The following SLC17A2 variants were observed in gnomAD, a reference collection of about 807,000 sequenced individuals.
SLC17A2 encodes sodium-dependent phosphate transport protein 3.
SLC17A2 carries 38 observed loss-of-function variants against 52.1 expected under a neutral mutation model. The observed-to-expected ratio is 0.73, with a 90% CI of 0.56 to 0.96. The LOEUF (loss-of-function observed/expected upper bound fraction) is 0.96, where lower values mean the gene tolerates loss of function less well. SLC17A2 is among the 40% of genes least tolerant of loss of function. The pLI is 0.00. For synonymous variants in SLC17A2, 226 were observed against 211.9 expected (o/e 1.07, Z -0.58); for missense variants, 508 against 583.9 (o/e 0.87, Z 1.34).
intron 11 of SLC17A2, among the ~76,000 whole-genome samples, chr6:25,914,115 C>T (rs541548618): frequency 6.6e-6 from 1 of 152,332 alleles, no homozygotes; most frequent in East Asian, 1.9e-4. Flanking sequence ...AGCAAGCCTC[C>T]TTGCAATGTC....
intron 10 of SLC17A2, 29 bp from the exon 11 acceptor site, chr6:25,914,699 T>A (rs773753593): frequency 1.2e-5 from 17 of 1,445,060 alleles, no homozygotes; most frequent in Non-Finnish European, 1.6e-5. Flanking sequence ...ATAAATGATT[T>A]TATATAGAAA....
At position 25,913,974 on chromosome 6, in the gene SLC17A2, C is replaced by T. The variant is rs1474941882; in HGVS notation, c.1303-523G>A. ...CCTAGCAGTTTAGTCAAATATTAACCTGGGAACTTGATCACATAGAAATGT... is the reference window on the plus strand; with the variant it reads ...CCTAGCAGTTTAGTCAAATATTAACTTGGGAACTTGATCACATAGAAATGT... On this transcript the variant is annotated intron_variant, in intron 11 of 11. Transcript: ENST00000377850. 2.0e-5 allele frequency among the ~76,000 whole-genome samples: 3 copies of T among 152,204 alleles called. No homozygotes were observed. In the East Asian group the frequency reaches 5.8e-4, roughly 29 times the overall value.
In SLC17A2 at chr6:25,914,685, T is replaced by C. The variant is rs935532962; in HGVS notation, c.1212-15A>G. On this transcript the variant is annotated splice_polypyrimidine_tract_variant and intron_variant, in intron 10 of 11. Coordinates refer to ENST00000377850, the MANE Select transcript of SLC17A2 (RefSeq NM_001286123.3). ...AACTTGCATATCTGTGGGAAGATGATTTTATAAATGATTTTATATAGAAAG... is the reference window on the plus strand; with the variant it reads ...AACTTGCATATCTGTGGGAAGATGACTTTATAAATGATTTTATATAGAAAG... 15 of 1,526,488 alleles carry C rather than the reference T, an allele frequency of 9.8e-6. No homozygotes were observed. The highest frequency in any genetic ancestry group is 1.2e-5 in the Non-Finnish European group (13 of 1,101,348). 94.6% of individuals were successfully genotyped at this position (1,526,488 alleles called of 1,614,324 possible).
intron 11 of SLC17A2, 116 bp from the exon 12 acceptor site, chr6:25,913,567 T>C (rs72832564): frequency 9.4e-6 from 9 of 956,836 alleles, no homozygotes; most frequent in Non-Finnish European, 1.2e-5. Context: ...AGGAACAATG[T>C]GCAGTAGTTA....
chr6:25,914,819 T>C, intron 10 of SLC17A2, 149 bp from the exon 11 acceptor site: 4 of 601,800 alleles, frequency 6.6e-6, no homozygotes, highest in Non-Finnish European at 1.2e-5. Context: ...CAGGGCAATG[T>C]CTATTTGCCA....
chr6:25,916,103 C>A (rs1001968200), intron 8 of SLC17A2, among the ~76,000 whole-genome samples: 3 of 152,082 alleles, frequency 2.0e-5, no homozygotes. Context: ...GTTTTTGAAA[C>A]GGAGTCTTAC....
chr6:25,917,073 C>T lies in SLC17A2; in HGVS notation c.664G>A (p.Val222Ile). ...IFYIFGSTGC[V>I]CCLLWFTVIY... ...ACTGTGAACCATAGGAGACAGCAGA[C>T]ACAGCCAGTGCTACCTGGGAAGAAG... Residue 222 changes from valine (V) to isoleucine (I), a missense_variant, in exon 7 of 12, where the codon GTC becomes ATC. By Grantham distance (29) the Val-to-Ile change is conservative. Transcript: ENST00000377850. The T allele has an allele frequency of 6.2e-7, 1 of 1,613,716 alleles. No individual in the cohort carries two copies. Among genetic ancestry groups the T allele is most frequent in the Non-Finnish European group, 8.5e-7 (1 of 1,179,654 alleles).
intron 1 of SLC17A2, among the ~76,000 whole-genome samples, chr6:25,927,475 T>A (rs1043602113): frequency 1.3e-5 from 2 of 152,240 alleles, no homozygotes; most frequent in Non-Finnish European, 2.9e-5. Flanking sequence ...CAGTAATGAC[T>A]ATTTCTGGGT....
In SLC17A2 at chr6:25,917,021, G is replaced by A. The variant is rs576113392; in HGVS notation, c.716C>T (p.Pro239Leu). ...CTCCTTTTCCCTAACACTTATGCACGGGTGATGCATGGGGTCATCATAAAT... is the reference window on the plus strand; with the variant it reads ...CTCCTTTTCCCTAACACTTATGCACAGGTGATGCATGGGGTCATCATAAAT... Reference protein sequence around the residue: ...TVIYDDPMHHPCISVREKEHI... With the variant: ...TVIYDDPMHHLCISVREKEHI... Residue 239 changes from proline to leucine, a missense_variant, in exon 7 of 12, where the codon CCG becomes CTG. Coordinates refer to ENST00000377850, the MANE Select transcript of SLC17A2 (RefSeq NM_001286123.3). The A allele has an allele frequency of 2.5e-5, 41 of 1,613,948 alleles. No individual in the cohort carries two copies. The highest frequency in any genetic ancestry group is 3.1e-5 in the Non-Finnish European group (36 of 1,180,000).
At chr6:25,920,221 G>A (rs1324686878) in intron 5 of SLC17A2, among the ~76,000 whole-genome samples, 1 of 152,222 alleles carries the variant, frequency 6.6e-6, no homozygotes, top group East Asian at 1.9e-4. Flanking sequence ...CAGCTGTGTA[G>A]TGGACCTAGG....
At position 25,913,196 on chromosome 6, in the gene SLC17A2, A is replaced by T. The variant is rs868669034; in HGVS notation, c.*121T>A. 1 of 1,049,532 alleles carries T rather than the reference A, an allele frequency of 9.5e-7. No individual in the cohort carries two copies. The highest frequency in any genetic ancestry group is 1.5e-6 in the Non-Finnish European group (1 of 688,048). The allele number at this position is 1,049,532 out of a possible 1,614,324, so 65.0% of individuals were successfully genotyped here. On this transcript the variant is annotated 3_prime_UTR_variant, in exon 12 of 12. Coordinates refer to ENST00000377850, the MANE Select transcript of SLC17A2 (RefSeq NM_001286123.3). ...AGTGTCTTATAAAGGCTCCCCAGGG[A>T]AGACTAACACACAGCCAGAGTTAAG...
At chr6:25,914,178 A>C (rs1208414541) in intron 11 of SLC17A2, among the ~76,000 whole-genome samples, 1 of 152,100 alleles carries the variant, frequency 6.6e-6, no homozygotes, top group Non-Finnish European at 1.5e-5. Context: ...GGCCTAGGAC[A>C]CTTTGTTTCC....
At chr6:25,920,689 A>T (rs1344697096) in intron 5 of SLC17A2, among the ~76,000 whole-genome samples, 16 of 152,158 alleles carry the variant, frequency 1.1e-4, no homozygotes, top group Admixed American at 1.0e-3. Context: ...TATATAGCTT[A>T]CTTGATCTTT....
intron 3 of SLC17A2, 109 bp from the exon 4 acceptor site, chr6:25,921,521 T>C (rs1766560049): frequency 1.4e-6 from 1 of 718,018 alleles, no homozygotes; most frequent in African/African-American, 1.8e-5. Context: ...ATATTGATTT[T>C]TGTTTCTCTC....
At chr6:25,915,151 A>G (rs185567438) in intron 10 of SLC17A2, among the ~76,000 whole-genome samples, 145 of 88,230 alleles carry the variant, frequency 1.6e-3, no homozygotes, top group South Asian at 6.1e-3. Context: ...TTGTGACTGT[A>G]TATATATATA....
At chr6:25,917,773 G>A (rs944505866) in intron 6 of SLC17A2, among the ~76,000 whole-genome samples, 4 of 152,150 alleles carry the variant, frequency 2.6e-5, no homozygotes, top group Non-Finnish European at 5.9e-5. Context: ...AAGATTCTGA[G>A]GACTAGTTTT....
chr6:25,920,284 C>T (rs1379880358), intron 5 of SLC17A2, among the ~76,000 whole-genome samples: 1 of 152,102 alleles, frequency 6.6e-6, no homozygotes, highest in African/African-American at 2.4e-5. Context: ...ATACTCTCAG[C>T]ACGACAGGCT....
In SLC17A2 at chr6:25,921,395, C is replaced by T; in HGVS notation, c.258G>A (p.Trp86Ter). ...EFDTKASVYQ[W>*]SPETQGIIFS... ...AGATGATACCCTGAGTTTCTGGGCT[C>T]CATTGATACACAGAGGCCTGGGGGA... The change falls in exon 4 of 12, where the codon TGG (tryptophan) becomes TGA (stop). Residue 86 changes from tryptophan to a stop codon, truncating the protein, a stop_gained. Transcript: ENST00000377850. LOFTEE classifies it high-confidence loss of function. The T allele has an allele frequency of 6.2e-7, 1 of 1,613,326 alleles. No individual in the cohort carries two copies. Among genetic ancestry groups the T allele is most frequent in the Non-Finnish European group, 8.5e-7 (1 of 1,179,332 alleles).
At chr6:25,918,697 T>C (rs997212200) in intron 5 of SLC17A2, 124 bp from the exon 6 acceptor site, 3 of 627,976 alleles carry the variant, frequency 4.8e-6, no homozygotes, top group Non-Finnish European at 8.7e-6. Flanking sequence ...AGAGTATTTA[T>C]TTCTAAAATA....
Sources: allele counts gnomAD v4.1 joint callset (sites outside exome capture counted in the v4.1 genomes callset), GRCh38; gene constraint gnomAD v4.1.1; transcripts MANE v1.5; gene names NCBI Gene and HGNC (gene_info 2026-07-23, HGNC 2026-07-21).